SLC10A7: variants seen among roughly 807,000 people sequenced by gnomAD.
The protein encoded by SLC10A7 is sodium/bile acid cotransporter 7.
SLC10A7 carries 29 observed loss-of-function variants against 43.2 expected under a neutral mutation model. The ratio of observed to expected loss-of-function variants is 0.67; its 90% CI spans 0.50 to 0.92. The LOEUF is 0.92. Among genes scored for constraint, SLC10A7 ranks in the 40% least tolerant of loss-of-function variants. The pLI, the probability that SLC10A7 is intolerant of heterozygous loss-of-function variation, is 0.00. For missense variants in SLC10A7, 295 were observed against 403.2 expected (o/e 0.73, Z 2.30); for synonymous variants, 152 against 144.8 (o/e 1.05, Z -0.35).
intron 5 of SLC10A7, among the ~76,000 whole-genome samples, chr4:146,392,139 C>A (rs1453236445): frequency 6.6e-6 from 1 of 152,116 alleles, no homozygotes; most frequent in Non-Finnish European, 1.5e-5. Flanking sequence ...CTGCTGCATT[C>A]ATCATGACAT....
Position 146,400,782 on chromosome 4 carries a change from C to T in SLC10A7, c.435+42001G>A, listed in dbSNP as rs189301778. Reference sequence around the variant, plus strand: ...TGACAGACGTGAATGAATAGTGTGTCGATAAGGGTTTCTACCTTCCCTACA... The same window carrying T: ...TGACAGACGTGAATGAATAGTGTGTTGATAAGGGTTTCTACCTTCCCTACA... On this transcript the variant is annotated intron_variant, in intron 5 of 11. Transcript: ENST00000335472. Among the ~76,000 whole-genome samples, 4 of 151,998 alleles carry T rather than the reference C, an allele frequency of 2.6e-5. No individual in the cohort carries two copies. The East Asian group carries it at 5.8e-4, about 22-fold the overall frequency.
intron 4 of SLC10A7, among the ~76,000 whole-genome samples, chr4:146,490,123 A>G (rs915761753): frequency 6.6e-6 from 1 of 152,138 alleles, no homozygotes; most frequent in African/African-American, 2.4e-5. Context: ...TTTTTAAATT[A>G]TACTGCCAGT....
chr4:146,401,907 A>AT (rs1393485851), intron 5 of SLC10A7, among the ~76,000 whole-genome samples: 1 of 152,202 alleles, frequency 6.6e-6, no homozygotes, highest in East Asian at 1.9e-4. Flanking sequence ...TAAACTTTAT[A>AT]TTTTTAAAAC....
At chr4:146,326,997 C>T (rs1733175148) in intron 5 of SLC10A7, among the ~76,000 whole-genome samples, 1 of 144,074 alleles carries the variant, frequency 6.9e-6, no homozygotes, top group Non-Finnish European at 1.5e-5. Context: ...GAGAGAGAGA[C>T]AGATAGACAG....
chr4:146,327,210 G>A (rs1208977095), intron 5 of SLC10A7, among the ~76,000 whole-genome samples: 1 of 152,144 alleles, frequency 6.6e-6, no homozygotes, highest in Non-Finnish European at 1.5e-5. Flanking sequence ...ATACACATGT[G>A]AATATCCACA....
chr4:146,323,202 C>T (rs1308779577), intron 6 of SLC10A7, among the ~76,000 whole-genome samples: 1 of 152,136 alleles, frequency 6.6e-6, no homozygotes, highest in Non-Finnish European at 1.5e-5. Context: ...TTTTGCTGTG[C>T]AGAAGCTCCT....
At chr4:146,387,142 C>A (rs1351432535) in intron 5 of SLC10A7, among the ~76,000 whole-genome samples, 1 of 152,032 alleles carries the variant, frequency 6.6e-6, no homozygotes, top group Non-Finnish European at 1.5e-5. Flanking sequence ...AAGGTGGAGC[C>A]CTCATGATTT....
chr4:146,345,347 C>T (rs1263456905), intron 5 of SLC10A7, among the ~76,000 whole-genome samples: 1 of 152,132 alleles, frequency 6.6e-6, no homozygotes, highest in Non-Finnish European at 1.5e-5. Flanking sequence ...AACACAGTTT[C>T]CACATTGAAA....
intron 4 of SLC10A7, among the ~76,000 whole-genome samples, chr4:146,501,152 C>A (rs564127953): frequency 1.3e-5 from 2 of 152,182 alleles, no homozygotes; most frequent in Non-Finnish European, 2.9e-5. Flanking sequence ...TATCTATGCT[C>A]TCTCCCCAAA....
At chr4:146,342,327 A>T (rs549465556) in intron 5 of SLC10A7, among the ~76,000 whole-genome samples, 5 of 151,926 alleles carry the variant, frequency 3.3e-5, no homozygotes, top group African/African-American at 1.2e-4. Flanking sequence ...GAAATTTATA[A>T]GAGCTGTTGT....
intron 5 of SLC10A7, among the ~76,000 whole-genome samples, chr4:146,412,368 C>T (rs1728257864): frequency 6.6e-6 from 1 of 152,136 alleles, no homozygotes; most frequent in South Asian, 2.1e-4. Flanking sequence ...ACTTGCTCTG[C>T]AATGAGTGCC....
Position 146,325,970 on chromosome 4 carries a change from C to G in SLC10A7, c.462G>C (p.Leu154=). The G allele has an allele frequency of 6.2e-7, 1 of 1,611,760 alleles. No individual in the cohort carries two copies. ...FLGIVITPLL[L]LLFLGSSSSV... ...ACATCAAAATACTCACAAAAAGCAG[C>G]AGGAGCAGGGGTGTTATAACGATGC... The change falls in exon 6 of 12, where the codon CTG becomes CTC. Residue 154 remains leucine (L), a synonymous_variant. Transcript: ENST00000335472.
intron 5 of SLC10A7, among the ~76,000 whole-genome samples, chr4:146,411,202 T>C (rs910216132): frequency 2.6e-5 from 4 of 152,120 alleles, no homozygotes; most frequent in African/African-American, 7.2e-5. Context: ...TCCTTAAGTG[T>C]CTTGAAGTCA....
chr4:146,442,497 C>G, intron 5 of SLC10A7: 2 of 1,169,826 alleles, frequency 1.7e-6, no homozygotes, highest in South Asian at 2.7e-5. Context: ...ATTAAATGAT[C>G]AATATATTGA....
At chr4:146,373,816 A>G (rs1366632444) in intron 5 of SLC10A7, among the ~76,000 whole-genome samples, 1 of 152,196 alleles carries the variant, frequency 6.6e-6, no homozygotes, top group Non-Finnish European at 1.5e-5. Flanking sequence ...ATTTTAATAT[A>G]CAACCAAGGT....
chr4:146,382,355 C>T (rs1450820896), intron 5 of SLC10A7, among the ~76,000 whole-genome samples: 2 of 152,168 alleles, frequency 1.3e-5, no homozygotes, highest in Non-Finnish European at 2.9e-5. Context: ...TGTATTTACA[C>T]TGTCACAGCA....
chr4:146,491,691 G>T (rs1735441998), intron 4 of SLC10A7, among the ~76,000 whole-genome samples: 1 of 86,262 alleles, frequency 1.2e-5, no homozygotes, highest in South Asian at 4.7e-4. Context: ...AAGGAAGGAA[G>T]GAAGGAAGGA....
intron 4 of SLC10A7, among the ~76,000 whole-genome samples, chr4:146,443,788 G>C (rs1730800042): frequency 6.6e-6 from 1 of 152,200 alleles, no homozygotes; most frequent in African/African-American, 2.4e-5. Flanking sequence ...GATGCAATGA[G>C]AGTGAATGGG....
intron 5 of SLC10A7, among the ~76,000 whole-genome samples, chr4:146,433,744 A>G (rs1022062115): frequency 2.0e-5 from 3 of 151,964 alleles, no homozygotes; most frequent in Non-Finnish European, 4.4e-5. Context: ...GCATGCCTCT[A>G]GTCCCAGTTG....
Sources: allele counts gnomAD v4.1 joint callset (sites outside exome capture counted in the v4.1 genomes callset), GRCh38; gene constraint gnomAD v4.1.1; transcripts MANE v1.5; gene names NCBI Gene and HGNC (gene_info 2026-07-23, HGNC 2026-07-21).